Variants in RSRC1 observed in about 807,000 individuals in gnomAD.
RSRC1 encodes serine/Arginine-related protein 53.
Under a neutral mutation model 49.1 loss-of-function variants are expected in RSRC1, and 39 were observed. The observed-to-expected ratio is 0.79, with a 90% CI of 0.61 to 1.04. The LOEUF (loss-of-function observed/expected upper bound fraction) is 1.04, where lower values mean the gene tolerates loss of function less well. RSRC1 is among the 50% of genes least tolerant of loss of function. The probability of loss-of-function intolerance (pLI) is 0.00; values close to 1 mark genes in which losing one functional copy is unlikely to be tolerated. For synonymous variants in RSRC1, 143 were observed against 130.8 expected, an observed-to-expected ratio of 1.09 and a Z score of -0.63; for missense variants, 388 against 402.4, an observed-to-expected ratio of 0.96 and a Z score of 0.31.
rs1331263924 is a variant in RSRC1, at chr3:158,122,158, GA to G, written c.57del (p.Lys19AsnfsTer156). The G allele has an allele frequency of 6.4e-7, 1 of 1,572,306 alleles. No homozygotes were observed. Among genetic ancestry groups the G allele is most frequent in the Non-Finnish European group, 8.6e-7 (1 of 1,160,204 alleles). Reference protein sequence around the residue: ...EEESRSKRKKKHRRRSSSSSS... With the variant: ...EEESRSKRKKXHRRRSSSSSS... ...AAGAAAGCAGAAGCAAGAGAAAAAA[GA>G]AACACCGTAGACGGTCCTCCTCGAG... On this transcript the variant is annotated frameshift_variant, in exon 2 of 10. Transcript: ENST00000611884. LOFTEE classifies it high-confidence loss of function.
chr3:158,276,343 A>G (rs962453752), intron 4 of RSRC1: 31 of 770,240 alleles, frequency 4.0e-5, no homozygotes, highest in Middle Eastern at 3.1e-4. Context: ...TACTGCCAGC[A>G]GCAGACCCTC....
intron 3 of RSRC1, among the ~76,000 whole-genome samples, chr3:158,175,394 A>G (rs992069217): frequency 2.6e-5 from 4 of 152,018 alleles, no homozygotes; most frequent in African/African-American, 9.7e-5. Context: ...CTCTTCCAAG[A>G]TCTTGAAGAA....
intron 5 of RSRC1, among the ~76,000 whole-genome samples, chr3:158,305,798 G>A (rs1236807359): frequency 6.6e-6 from 1 of 152,004 alleles, no homozygotes; most frequent in Non-Finnish European, 1.5e-5. Flanking sequence ...CACAGCACAA[G>A]GAGTCAGAAT....
At chr3:158,171,688 A>C (rs776388274) in intron 3 of RSRC1, among the ~76,000 whole-genome samples, 2 of 152,068 alleles carry the variant, frequency 1.3e-5, no homozygotes, top group Non-Finnish European at 2.9e-5. Flanking sequence ...GGTGGCTCAC[A>C]TCTGTAATCC....
intron 6 of RSRC1, among the ~76,000 whole-genome samples, chr3:158,430,559 A>T (rs1273628674): frequency 6.6e-6 from 1 of 151,948 alleles, no homozygotes; most frequent in Non-Finnish European, 1.5e-5. Flanking sequence ...TCTAAGAGAA[A>T]GAAAATTCTG....
chr3:158,290,950 T>G (rs762434449), intron 4 of RSRC1, among the ~76,000 whole-genome samples: 2 of 152,182 alleles, frequency 1.3e-5, no homozygotes, highest in Non-Finnish European at 2.9e-5. Flanking sequence ...TTCCAGTTCT[T>G]TGGGTGGCTG....
rs572650513 is a variant in RSRC1 at position 158,508,852 on chromosome 3, G to T, written c.653-28240G>T. On this transcript the variant is annotated intron_variant, in intron 7 of 9. Coordinates refer to ENST00000611884, the MANE Select transcript of RSRC1 (RefSeq NM_001271838.2). ...ACAATAATATCTCTTGAGAGATGAG[G>T]TCTTGCTCTGTTGCCCAGGCTGACC... Among the ~76,000 whole-genome samples the T allele has an allele frequency of 1.3e-4, 20 of 152,256 alleles. No homozygotes were observed. The South Asian group carries it at 4.1e-3, about 32-fold the overall frequency.
intron 5 of RSRC1, among the ~76,000 whole-genome samples, chr3:158,314,323 C>T (rs527622397): frequency 1.3e-5 from 2 of 152,174 alleles, no homozygotes; most frequent in South Asian, 2.1e-4. Flanking sequence ...GAACTCCTGA[C>T]CTCAGGTGAT....
intron 4 of RSRC1, among the ~76,000 whole-genome samples, chr3:158,257,050 G>A (rs917717476): frequency 6.6e-5 from 10 of 151,728 alleles, no homozygotes; most frequent in African/African-American, 2.4e-4. Context: ...TTTTTTGAAG[G>A]GTTTTTTGTG....
chr3:158,316,046 CCT>C (rs1159215429), intron 5 of RSRC1, among the ~76,000 whole-genome samples: 1 of 151,936 alleles, frequency 6.6e-6, no homozygotes. Flanking sequence ...GTGGCATGCA[CCT>C]GTAATCCCAG....
intron 3 of RSRC1, among the ~76,000 whole-genome samples, chr3:158,192,343 C>T (rs1720296357): frequency 6.6e-6 from 1 of 151,980 alleles, no homozygotes; most frequent in African/African-American, 2.4e-5. Context: ...CCAGAATTTT[C>T]AAGAGATGAA....
intron 7 of RSRC1, among the ~76,000 whole-genome samples, chr3:158,461,540 A>G (rs1737612040): frequency 6.6e-6 from 1 of 151,890 alleles, no homozygotes; most frequent in Admixed American, 6.6e-5. Context: ...ATCTCCTCTA[A>G]CAAATTTTTA....
intron 7 of RSRC1, among the ~76,000 whole-genome samples, chr3:158,518,708 T>C (rs759555172): frequency 2.6e-5 from 4 of 152,160 alleles, no homozygotes; most frequent in Non-Finnish European, 2.9e-5. Flanking sequence ...AAATCTAGTA[T>C]AATTTTTCTA....
intron 1 of RSRC1, among the ~76,000 whole-genome samples, chr3:158,114,267 T>A (rs1714635799): frequency 6.6e-6 from 1 of 152,240 alleles, no homozygotes; most frequent in East Asian, 1.9e-4. Flanking sequence ...CTTTCCTCAT[T>A]GCTTGTTTTT....
At chr3:158,446,351 T>A (rs917415059) in intron 6 of RSRC1, among the ~76,000 whole-genome samples, 15 of 151,502 alleles carry the variant, frequency 9.9e-5, no homozygotes, top group African/African-American at 3.4e-4. Flanking sequence ...CTATACTGTG[T>A]TACTTTTTTT....
chr3:158,300,777 C>T (rs1005137966), intron 5 of RSRC1, among the ~76,000 whole-genome samples: 2 of 152,098 alleles, frequency 1.3e-5, no homozygotes, highest in African/African-American at 4.8e-5. Flanking sequence ...CTTAGATTAT[C>T]ATAGAGAGCA....
intron 6 of RSRC1, among the ~76,000 whole-genome samples, chr3:158,400,628 T>C (rs1321190004): frequency 6.6e-6 from 1 of 152,032 alleles, no homozygotes; most frequent in Admixed American, 6.6e-5. Context: ...GTGTCATAGT[T>C]TTTAATAAAA....
intron 6 of RSRC1, among the ~76,000 whole-genome samples, chr3:158,447,312 C>T (rs1034907371): frequency 1.3e-5 from 2 of 151,918 alleles, no homozygotes; most frequent in African/African-American, 4.8e-5. Context: ...AAATATTGAG[C>T]ATTTCATATT....
intron 3 of RSRC1, among the ~76,000 whole-genome samples, chr3:158,194,521 A>G (rs1720444062): frequency 1.4e-5 from 2 of 145,954 alleles, no homozygotes; most frequent in African/African-American, 5.1e-5. Flanking sequence ...TTATACATTA[A>G]GTTTTAGGGT....
Sources: gnomAD v4.1 joint callset for allele counts (sites outside exome capture counted in the v4.1 genomes callset) on GRCh38, gnomAD v4.1.1 for gene constraint, MANE v1.5 for transcripts, NCBI Gene and HGNC (gene_info 2026-07-23, HGNC 2026-07-21) for gene names.